Variants in SH3PXD2A observed in about 807,000 individuals in gnomAD.
SH3PXD2A encodes the protein SH3 and PX domain-containing protein 2A.
SH3PXD2A carries 32 observed loss-of-function variants against 115.2 expected under a neutral mutation model. The observed-to-expected ratio is 0.28, with a 90% CI of 0.21 to 0.37. The LOEUF (loss-of-function observed/expected upper bound fraction) is 0.37, where lower values mean the gene tolerates loss of function less well. SH3PXD2A is among the 10% of genes least tolerant of loss of function. SH3PXD2A has a pLI of 1.00. For missense variants in SH3PXD2A, 1,328 were observed against 1,498.7 expected (o/e 0.89, Z 1.88); for synonymous variants, 610 against 629.1 (o/e 0.97, Z 0.45).
intron 5 of SH3PXD2A, among the ~76,000 whole-genome samples, chr10:103,704,803 C>T (rs974227996): frequency 2.6e-5 from 4 of 152,150 alleles, no homozygotes; most frequent in Non-Finnish European, 4.4e-5. Flanking sequence ...GGGAGGAGTC[C>T]TGTAAGATGC....
intron 1 of SH3PXD2A, among the ~76,000 whole-genome samples, chr10:103,833,388 C>T (rs1274921615): frequency 6.6e-6 from 1 of 152,022 alleles, no homozygotes; most frequent in African/African-American, 2.4e-5. Flanking sequence ...GACATAAATC[C>T]TAACCTGTCT....
intron 1 of SH3PXD2A, among the ~76,000 whole-genome samples, chr10:103,846,688 G>C (rs114916030): frequency 6.6e-6 from 1 of 152,240 alleles, no homozygotes; most frequent in Admixed American, 6.5e-5. Context: ...TTCTAGATGG[G>C]CAAATGTAGT....
intron 1 of SH3PXD2A, among the ~76,000 whole-genome samples, chr10:103,811,175 T>G (rs1564895094): frequency 6.6e-6 from 1 of 152,116 alleles, no homozygotes; most frequent in Admixed American, 6.5e-5. Flanking sequence ...GGAGGGGAAA[T>G]GAGTGTATAA....
At chr10:103,806,324 T>C (rs1303346740) in intron 1 of SH3PXD2A, among the ~76,000 whole-genome samples, 2 of 151,988 alleles carry the variant, frequency 1.3e-5, no homozygotes, top group Non-Finnish European at 1.5e-5. Flanking sequence ...TCTGCTTTCT[T>C]CCAAACCTTG....
chr10:103,817,148 CT>C (rs113978049), intron 1 of SH3PXD2A, among the ~76,000 whole-genome samples: 6,883 of 139,496 alleles, frequency 0.049, 300 homozygotes, highest in African/African-American at 0.12. Context: ...CCGGTCTATT[CT>C]TTTTTTTTTT....
At chr10:103,811,549 A>G (rs1264680340) in intron 1 of SH3PXD2A, among the ~76,000 whole-genome samples, 3 of 152,232 alleles carry the variant, frequency 2.0e-5, no homozygotes. Flanking sequence ...GTAACAAGTA[A>G]TGAAGCTCAG....
chr10:103,680,718 C>T (rs2037597124), intron 6 of SH3PXD2A, among the ~76,000 whole-genome samples: 1 of 152,114 alleles, frequency 6.6e-6, no homozygotes, highest in Non-Finnish European at 1.5e-5. Flanking sequence ...TGATGAAATC[C>T]AGGGGGCAAG....
intron 7 of SH3PXD2A, 60 bp downstream of exon 7, chr10:103,668,548 C>A: frequency 1.4e-6 from 2 of 1,433,740 alleles, no homozygotes; most frequent in South Asian, 1.2e-5. Flanking sequence ...GGCACCGGCT[C>A]CCGCGCACAC....
intron 6 of SH3PXD2A, among the ~76,000 whole-genome samples, chr10:103,686,619 A>G (rs1442081912): frequency 1.3e-5 from 2 of 152,102 alleles, no homozygotes; most frequent in Non-Finnish European, 2.9e-5. Context: ...ACTTTGGGGC[A>G]AGCCAGGTCG....
intron 8 of SH3PXD2A, among the ~76,000 whole-genome samples, chr10:103,651,552 C>T (rs1451359315): frequency 6.6e-6 from 1 of 152,228 alleles, no homozygotes; most frequent in Non-Finnish European, 1.5e-5. Context: ...GGTCAAATGG[C>T]AGTGACTGAA....
At position 103,687,599 on chromosome 10, in the gene SH3PXD2A, T is replaced by C. The variant is rs537306845; in HGVS notation, c.427+5429A>G. ...GAGCCCACATCCTATCTCACCTGGCTAGCAGCCCCCTGCGACCTTGCACAT... is the reference window on the plus strand; with the variant it reads ...GAGCCCACATCCTATCTCACCTGGCCAGCAGCCCCCTGCGACCTTGCACAT... On this transcript the variant is annotated intron_variant, in intron 6 of 14. Coordinates refer to ENST00000369774, the MANE Select transcript of SH3PXD2A (RefSeq NM_001394015.1). 3.9e-5 allele frequency among the ~76,000 whole-genome samples: 6 copies of C among 152,290 alleles called. No homozygotes were observed. In the East Asian group the frequency reaches 1.2e-3, roughly 29 times the overall value.
chr10:103,799,126 C>G (rs950813931), intron 2 of SH3PXD2A, among the ~76,000 whole-genome samples: 4 of 152,166 alleles, frequency 2.6e-5, no homozygotes, highest in Non-Finnish European at 2.9e-5. Context: ...GTAACCGGTC[C>G]CAGGGAATGT....
intron 2 of SH3PXD2A, among the ~76,000 whole-genome samples, chr10:103,780,031 C>A (rs1258117509): frequency 1.3e-5 from 2 of 152,250 alleles, no homozygotes; most frequent in Non-Finnish European, 2.9e-5. Context: ...TTCTTCTCAT[C>A]CTCCAAATGG....
chr10:103,607,347 C>T (rs1373578889), intron 13 of SH3PXD2A, among the ~76,000 whole-genome samples: 1 of 152,160 alleles, frequency 6.6e-6, no homozygotes, highest in Non-Finnish European at 1.5e-5. Flanking sequence ...GGCAGCTGCC[C>T]CGTCTGGGAA....
chr10:103,607,648 G>A (rs2036343742), intron 13 of SH3PXD2A, among the ~76,000 whole-genome samples: 1 of 152,252 alleles, frequency 6.6e-6, no homozygotes, highest in African/African-American at 2.4e-5. Flanking sequence ...CGTCTGGGAG[G>A]TGTACCCAAC....
chr10:103,810,748 C>T (rs1589464812), intron 1 of SH3PXD2A, among the ~76,000 whole-genome samples: 1 of 152,026 alleles, frequency 6.6e-6, no homozygotes, highest in African/African-American at 2.4e-5. Context: ...TCCCATTTGC[C>T]GTGAGACTTG....
intron 2 of SH3PXD2A, among the ~76,000 whole-genome samples, chr10:103,768,742 C>T (rs750529986): frequency 6.6e-6 from 1 of 152,120 alleles, no homozygotes; most frequent in Non-Finnish European, 1.5e-5. Flanking sequence ...TGGTGAAAAG[C>T]GGTTTGTCTT....
chr10:103,768,324 G>C (rs1403955791), intron 2 of SH3PXD2A, among the ~76,000 whole-genome samples: 1 of 152,226 alleles, frequency 6.6e-6, no homozygotes, highest in Admixed American at 6.5e-5. Flanking sequence ...GGCAAAGAAG[G>C]CCTGACCTCG....
At chr10:103,728,891 TTGTTTG>T (rs2038278351) in intron 4 of SH3PXD2A, among the ~76,000 whole-genome samples, 1 of 136,030 alleles carries the variant, frequency 7.4e-6, no homozygotes, top group African/African-American at 3.0e-5. Flanking sequence ...TTTTGTTTGT[TTGTTTG>T]TTTTTTTTTT....
Sources: gnomAD v4.1 joint callset for allele counts (sites outside exome capture counted in the v4.1 genomes callset) on GRCh38, gnomAD v4.1.1 for gene constraint, MANE v1.5 for transcripts, NCBI Gene and HGNC (gene_info 2026-07-23, HGNC 2026-07-21) for gene names.